Variants in TLX2 observed in about 807,000 individuals in gnomAD.
TLX2 encodes the protein T-cell leukemia homeobox protein 2.
TLX2 carries 15 observed loss-of-function variants against 21.7 expected under a neutral mutation model. The ratio of observed to expected loss-of-function variants is 0.69; its 90% confidence interval spans 0.46 to 1.07. TLX2 has a LOEUF of 1.07. Ranked by LOEUF, TLX2 falls within the 50% of genes least tolerant of loss-of-function variation. TLX2 has a pLI of 0.00. For synonymous variants in TLX2, 213 were observed against 193.1 expected (o/e 1.10, Z -0.85); for missense variants, 384 against 409.1 (o/e 0.94, Z 0.53).
At position 74,515,032 on chromosome 2, in the gene TLX2, G is replaced by T. The variant is rs1320198653; in HGVS notation, c.226G>T (p.Gly76Cys). 6.6e-7 allele frequency: 1 copy of T among 1,522,452 alleles called. No individual in the cohort carries two copies. The highest frequency in any genetic ancestry group is 2.6e-5 in the East Asian group (1 of 38,150). The allele number at this position is 1,522,452 out of a possible 1,614,324, so 94.3% of individuals were successfully genotyped here. A position where few individuals can be genotyped will look rare whatever the true frequency, so the allele number is the denominator to read the frequency against. Residue 76 changes from glycine (G) to cysteine (C), a missense_variant, in exon 1 of 3, where the codon GGC becomes TGC. Gly to Cys is a radical substitution (Grantham distance 159, BLOSUM62 -3). Coordinates refer to ENST00000233638, the MANE Select transcript of TLX2 (RefSeq NM_016170.5). The surrounding 1 kb of genome is among the most constrained non-coding windows in gnomAD (Gnocchi z 6.6). Reference sequence around the variant, plus strand: ...CCCGCTGCCCGGCAGCTCCGGAGTGGGCCCAGGCGGCGTGATCCGCGTCCC... The same window carrying T: ...CCCGCTGCCCGGCAGCTCCGGAGTGTGCCCAGGCGGCGTGATCCGCGTCCC... Reference protein sequence around the residue: ...LAPLPGSSGVGPGGVIRVPAH... With the variant: ...LAPLPGSSGVCPGGVIRVPAH...
Position 74,516,253 on chromosome 2 carries a change from G to A in TLX2, c.*64G>A. The A allele has an allele frequency of 6.4e-7, 1 of 1,561,446 alleles. No individual in the cohort carries two copies. The highest frequency in any genetic ancestry group is 8.6e-7 in the Non-Finnish European group (1 of 1,157,520). ...AGCGGTGGAGCGCGCGGCTGCCTGC[G>A]TCCATGGTCTAGTGGCAGCCGGGCG... On this transcript the variant is annotated 3_prime_UTR_variant, in exon 3 of 3. Coordinates refer to ENST00000233638, the MANE Select transcript of TLX2 (RefSeq NM_016170.5).
At position 74,515,555 on chromosome 2, in the gene TLX2, T is replaced by C; in HGVS notation, c.401-78T>C. 1 of 1,425,956 alleles carries C rather than the reference T, an allele frequency of 7.0e-7. No individual in the cohort carries two copies. Among genetic ancestry groups the C allele is most frequent in the Non-Finnish European group, 9.6e-7 (1 of 1,038,196 alleles). The allele number at this position is 1,425,956 out of a possible 1,614,324, so 88.3% of individuals were successfully genotyped here. A position where few individuals can be genotyped will look rare whatever the true frequency, so the allele number is the denominator to read the frequency against. On this transcript the variant is annotated intron_variant, in intron 1 of 2. Transcript: ENST00000233638. The surrounding 1 kb of genome is among the most constrained non-coding windows in gnomAD (Gnocchi z 6.6). ...GACAGGGCGCGGGAGTTCTGCGGCC[T>C]GGACAGCCGCGCGGCCTTCTCAGTG... is the stretch of plus-strand genomic sequence containing the variant.
chr2:74,515,719 T>A lies in TLX2; in HGVS notation c.487T>A (p.Ser163Thr). Residue 163 changes from serine (S) to threonine (T), a missense_variant, in exon 2 of 3, where the codon TCC (serine) becomes ACC (threonine). Ser to Thr is a moderately conservative substitution (Grantham distance 58). Coordinates refer to ENST00000233638, the MANE Select transcript of TLX2 (RefSeq NM_016170.5). This position sits in a 1 kb window ranked among gnomAD's most constrained non-coding sequence, Gnocchi z 6.6. ...TCCGAAGCGGAAGAAGCCGCGCACG[T>A]CCTTCTCCCGCTCACAGGTGCTGGA... Reference protein sequence around the residue: ...TPPKRKKPRTSFSRSQVLELE... With the variant: ...TPPKRKKPRTTFSRSQVLELE... 6.2e-7 allele frequency: 1 copy of A among 1,613,628 alleles called. No individual in the cohort carries two copies. The highest frequency in any genetic ancestry group is 8.5e-7 in the Non-Finnish European group (1 of 1,179,962).
In TLX2 at chr2:74,515,953, C is replaced by T; in HGVS notation, c.639-20C>T. 2.0e-6 allele frequency: 3 copies of T among 1,478,358 alleles called. No homozygotes were observed. Among genetic ancestry groups the T allele is most frequent in the Non-Finnish European group, 2.7e-6 (3 of 1,122,846 alleles). 91.6% of individuals were successfully genotyped at this position (1,478,358 alleles called of 1,614,324 possible). A position where few individuals can be genotyped will look rare whatever the true frequency, so the allele number is the denominator to read the frequency against. Reference sequence around the variant, plus strand: ...GCGACGCGGCGGGCGCCCCGCTGACCCCGCGTCTCCCTCCCTTAGGCGCCA... The same window carrying T: ...GCGACGCGGCGGGCGCCCCGCTGACTCCGCGTCTCCCTCCCTTAGGCGCCA... On this transcript the variant is annotated intron_variant, in intron 2 of 2. Transcript: ENST00000233638. This position sits in a 1 kb window ranked among gnomAD's most constrained non-coding sequence, Gnocchi z 6.6.
rs1012848047 is a variant in TLX2, at chr2:74,514,899, A to G, written c.93A>G (p.Pro31=). The change falls in exon 1 of 3, where the codon CCA becomes CCG. Residue 31 remains proline (P), a synonymous_variant. Transcript: ENST00000233638. This position sits in a 1 kb window ranked among gnomAD's most constrained non-coding sequence, Gnocchi z 5.0. ...AGATCCTGAGCGGCCCCGAAACCCCAGGGGGCGGTCTAGGCCTGGGTCGCG... is the reference window on the plus strand; with the variant it reads ...AGATCCTGAGCGGCCCCGAAACCCCGGGGGGCGGTCTAGGCCTGGGTCGCG... ...IDQILSGPET[P]GGGLGLGRGG... 7.4e-6 allele frequency: 12 copies of G among 1,611,806 alleles called. No homozygotes were observed. Among genetic ancestry groups the G allele is most frequent in the Admixed American group, 1.7e-5 (1 of 59,900 alleles).
chr2:74,516,112 T>C lies in TLX2; in HGVS notation c.778T>C (p.Phe260Leu). ...DPLCLHNSSLFALQNLQPWAE... is the reference protein window; with the variant it reads ...DPLCLHNSSLLALQNLQPWAE... The stretch of plus-strand genomic sequence containing the variant: ...TCTCTGCCTGCACAACTCGTCGCTC[T>C]TCGCGCTGCAGAACCTGCAGCCCTG... Residue 260 changes from phenylalanine (F) to leucine (L), a missense_variant, in exon 3 of 3, where the codon TTC (phenylalanine) becomes CTC (leucine). By Grantham distance (22) the Phe-to-Leu change is conservative. Transcript: ENST00000233638. 2 of 1,610,118 alleles carry C rather than the reference T, an allele frequency of 1.2e-6. No individual in the cohort carries two copies. The highest frequency in any genetic ancestry group is 1.7e-6 in the Non-Finnish European group (2 of 1,179,032).
At position 74,516,019 on chromosome 2, in the gene TLX2, C is replaced by G. The variant is rs1230194398; in HGVS notation, c.685C>G (p.Arg229Gly). The change falls in exon 3 of 3, where the codon CGG becomes GGG. Residue 229 changes from arginine to glycine, a missense_variant. By Grantham distance (125) the Arg-to-Gly change is moderately radical. Transcript: ENST00000233638. ...EREAERHRAGRLLLHLQQDAL... is the reference protein window; with the variant it reads ...EREAERHRAGGLLLHLQQDAL... ...CGAGGCCGAGCGGCACCGCGCGGGC[C>G]GGCTGCTCCTGCATCTGCAGCAGGA... 1 of 1,533,622 alleles carries G rather than the reference C, an allele frequency of 6.5e-7. No individual in the cohort carries two copies. Among genetic ancestry groups the G allele is most frequent in the Non-Finnish European group, 8.7e-7 (1 of 1,148,470 alleles).
rs1301295137 is a variant in TLX2 at position 74,516,119 on chromosome 2, T to C, written c.785T>C (p.Leu262Pro). The C allele has an allele frequency of 6.2e-7, 1 of 1,610,494 alleles. No individual in the cohort carries two copies. The highest frequency in any genetic ancestry group is 1.3e-5 in the African/African-American group (1 of 74,658). The change falls in exon 3 of 3, where the codon CTG becomes CCG. Residue 262 changes from leucine (L) to proline (P), a missense_variant. Leu to Pro is a moderately conservative substitution (Grantham distance 98). Coordinates refer to ENST00000233638, the MANE Select transcript of TLX2 (RefSeq NM_016170.5). ...CTGCACAACTCGTCGCTCTTCGCGC[T>C]GCAGAACCTGCAGCCCTGGGCCGAG... Reference protein sequence around the residue: ...LCLHNSSLFALQNLQPWAEDN... With the variant: ...LCLHNSSLFAPQNLQPWAEDN...
rs969426404 is a variant in TLX2 at position 74,515,981 on chromosome 2, C to T, written c.647C>T (p.Thr216Met). 1 of 1,465,850 alleles carries T rather than the reference C, an allele frequency of 6.8e-7. No homozygotes were observed. The highest frequency in any genetic ancestry group is 8.9e-7 in the Non-Finnish European group (1 of 1,119,196). 90.8% of individuals were successfully genotyped at this position (1,465,850 alleles called of 1,614,324 possible). Residue 216 changes from threonine to methionine, a missense_variant, in exon 3 of 3, where the codon ACG becomes ATG. Physicochemically the swap from Thr to Met is moderately conservative, Grantham distance 81 (BLOSUM62 -1). Transcript: ENST00000233638. This position sits in a 1 kb window ranked among gnomAD's most constrained non-coding sequence, Gnocchi z 6.6. ...GCGTCTCCCTCCCTTAGGCGCCAGA[C>T]GGCGGAGGAGCGCGAGGCCGAGCGG... ...QNRRTKWRRQ[T>M]AEEREAERHR...
chr2:74,515,792 G>A lies in TLX2; in HGVS notation c.560G>A (p.Arg187Lys), dbSNP rs775250438. The A allele has an allele frequency of 1.9e-6, 3 of 1,613,074 alleles. No individual in the cohort carries two copies. In the Admixed American group the frequency reaches 5.0e-5, roughly 27 times the overall value. ...CAGAAGTACCTGGCCTCTGCGGAGA[G>A]GGCGGCGCTGGCCAAGGCCTTGCGC... ...LRQKYLASAE[R>K]AALAKALRMT... is the part of the protein sequence containing the mutation. Residue 187 changes from arginine to lysine, a missense_variant, in exon 2 of 3, where the codon AGG becomes AAG. Arg to Lys is a conservative substitution (Grantham distance 26, BLOSUM62 2). Transcript: ENST00000233638. The surrounding 1 kb of genome is among the most constrained non-coding windows in gnomAD (Gnocchi z 6.6).
chr2:74,514,884 C>A lies in TLX2; in HGVS notation c.78C>A (p.Ser26Arg). The change falls in exon 1 of 3, where the codon AGC becomes AGA. Residue 26 changes from serine (S) to arginine (R), a missense_variant. By Grantham distance (110) the Ser-to-Arg change is moderately radical (BLOSUM62 -1). Transcript: ENST00000233638. This position sits in a 1 kb window ranked among gnomAD's most constrained non-coding sequence, Gnocchi z 5.0. ...GCTTCGGCATCGATCAGATCCTGAGCGGCCCCGAAACCCCAGGGGGCGGTC... is the reference window on the plus strand; with the variant it reads ...GCTTCGGCATCGATCAGATCCTGAGAGGCCCCGAAACCCCAGGGGGCGGTC... ...PISFGIDQIL[S>R]GPETPGGGLG... The A allele has an allele frequency of 6.2e-7, 1 of 1,612,460 alleles. No individual in the cohort carries two copies. Among genetic ancestry groups the A allele is most frequent in the South Asian group, 1.1e-5 (1 of 90,996 alleles).
Position 74,515,652 on chromosome 2 carries a change from T to C in TLX2, c.420T>C (p.Ser140=), listed in dbSNP as rs774943192. 1.9e-6 allele frequency: 3 copies of C among 1,612,142 alleles called. No homozygotes were observed. The highest frequency in any genetic ancestry group is 2.5e-6 in the Non-Finnish European group (3 of 1,178,738). The change falls in exon 2 of 3, where the codon TCT becomes TCC. Residue 140 remains serine, a synonymous_variant. Coordinates refer to ENST00000233638, the MANE Select transcript of TLX2 (RefSeq NM_016170.5). The surrounding 1 kb of genome is among the most constrained non-coding windows in gnomAD (Gnocchi z 6.6). ...DRLTAALSPF[S]GTRRIGHPYQ... ...CGGTAGCTGCGCTCTCGCCCTTCTC[T>C]GGGACGCGCCGCATAGGCCACCCCT...
rs757961853 is a variant in TLX2, at chr2:74,514,799, C to G, written c.-8C>G. The G allele has an allele frequency of 7.4e-6, 12 of 1,612,500 alleles. No homozygotes were observed. The East Asian group carries it at 2.7e-4, about 36-fold the overall frequency. On this transcript the variant is annotated 5_prime_UTR_variant, in exon 1 of 3. Transcript: ENST00000233638. The surrounding 1 kb of genome is among the most constrained non-coding windows in gnomAD (Gnocchi z 5.0). ...CGAACCTCCGGCGGTTCTCCTCGGCCCAGACCGATGGAGCCGGGGATGCTG... is the reference window on the plus strand; with the variant it reads ...CGAACCTCCGGCGGTTCTCCTCGGCGCAGACCGATGGAGCCGGGGATGCTG...
chr2:74,516,428 C>A lies in TLX2; in HGVS notation c.*239C>A, dbSNP rs567517310. 1,743 of 1,400,658 alleles carry A rather than the reference C, an allele frequency of 1.2e-3. 3 individuals are homozygous for A. Among genetic ancestry groups the A allele is most frequent in the Non-Finnish European group, 1.5e-3 (1,643 of 1,074,432 alleles). The allele number at this position is 1,400,658 out of a possible 1,614,324, so 86.8% of individuals were successfully genotyped here. A position where few individuals can be genotyped will look rare whatever the true frequency, so the allele number is the denominator to read the frequency against. Reference sequence around the variant, plus strand: ...ACTGCCGTTACGCCCTCGCTGGAACCTGAGGCGCCGAGAGGGCGGGACCTG... The same window carrying A: ...ACTGCCGTTACGCCCTCGCTGGAACATGAGGCGCCGAGAGGGCGGGACCTG... On this transcript the variant is annotated 3_prime_UTR_variant, in exon 3 of 3. Transcript: ENST00000233638.
chr2:74,515,868 G>A lies in TLX2; in HGVS notation c.636G>A (p.Trp212Ter). The A allele has an allele frequency of 1.9e-6, 3 of 1,603,652 alleles. No homozygotes were observed. Among genetic ancestry groups the A allele is most frequent in the Non-Finnish European group, 2.6e-6 (3 of 1,173,810 alleles). The change falls in exon 2 of 3, where the codon TGG becomes TGA. Residue 212 changes from tryptophan to a stop codon, truncating the protein, a stop_gained and splice_region_variant. Coordinates refer to ENST00000233638, the MANE Select transcript of TLX2 (RefSeq NM_016170.5). LOFTEE classifies it high-confidence loss of function. The surrounding 1 kb of genome is among the most constrained non-coding windows in gnomAD (Gnocchi z 6.6). ...KTWFQNRRTK[W>*]RRQTAEEREA... ...GGTTCCAGAACCGACGCACCAAGTGGCGGTGAGGCGCGGCGCGGGCGAGGG... is the reference window on the plus strand; with the variant it reads ...GGTTCCAGAACCGACGCACCAAGTGACGGTGAGGCGCGGCGCGGGCGAGGG...
rs1316886362 is a variant in TLX2 at position 74,516,629 on chromosome 2, A to C, written c.*440A>C. ...ACCAAAGGTGTGAAGGAAAGAAGAC[A>C]CCGACCACGGCGAAGCAATAGAGGG... On this transcript the variant is annotated 3_prime_UTR_variant, in exon 3 of 3. Transcript: ENST00000233638. The C allele has an allele frequency of 2.6e-6, 2 of 761,622 alleles. No individual in the cohort carries two copies. The highest frequency in any genetic ancestry group is 5.6e-5 in the South Asian group (2 of 35,944). The allele number at this position is 761,622 out of a possible 1,614,324, so 47.2% of individuals were successfully genotyped here.
Position 74,514,619 on chromosome 2 carries a change from T to C in TLX2, c.-188T>C, listed in dbSNP as rs36079538. 1.3e-5 allele frequency: 18 copies of C among 1,416,992 alleles called. No individual in the cohort carries two copies. The highest frequency in any genetic ancestry group is 1.6e-5 in the Non-Finnish European group (18 of 1,092,700). The allele number at this position is 1,416,992 out of a possible 1,614,324, so 87.8% of individuals were successfully genotyped here. A position where few individuals can be genotyped will look rare whatever the true frequency, so the allele number is the denominator to read the frequency against. On this transcript the variant is annotated 5_prime_UTR_variant, in exon 1 of 3. Transcript: ENST00000233638. The surrounding 1 kb of genome is among the most constrained non-coding windows in gnomAD (Gnocchi z 5.0). ...CCCTGCGCTGACGCCCGGCAGCGGC[T>C]GGCACGGGCGCGGCTGCTCCGGGTG... is the stretch of plus-strand genomic sequence containing the variant.
chr2:74,514,488 C>A lies in TLX2; in HGVS notation c.-319C>A. The A allele has an allele frequency of 7.8e-7, 1 of 1,274,834 alleles. No homozygotes were observed. Among genetic ancestry groups the A allele is most frequent in the Non-Finnish European group, 1.0e-6 (1 of 1,003,858 alleles). 79.0% of individuals were successfully genotyped at this position (1,274,834 alleles called of 1,614,324 possible). On this transcript the variant is annotated 5_prime_UTR_variant, in exon 1 of 3. Transcript: ENST00000233638. This position sits in a 1 kb window ranked among gnomAD's most constrained non-coding sequence, Gnocchi z 5.0. ...GCCGGAGCTGGCCAACCCTCTCCAC[C>A]CGGGACTTGGGCAGCGGCGCCGGCA...
chr2:74,514,560 G>T lies in TLX2; in HGVS notation c.-247G>T. On this transcript the variant is annotated 5_prime_UTR_variant, in exon 1 of 3. Coordinates refer to ENST00000233638, the MANE Select transcript of TLX2 (RefSeq NM_016170.5). This position sits in a 1 kb window ranked among gnomAD's most constrained non-coding sequence, Gnocchi z 5.0. ...AAGAGCCAGCAAGGAAGCTCCAGGG[G>T]CCCCAGCTGGCCGTGCTCCCCCGGG... 7.2e-7 allele frequency: 1 copy of T among 1,392,900 alleles called. No homozygotes were observed. The highest frequency in any genetic ancestry group is 9.3e-7 in the Non-Finnish European group (1 of 1,079,538). 86.3% of individuals were successfully genotyped at this position (1,392,900 alleles called of 1,614,324 possible).
Sources: gnomAD v4.1 joint callset for allele counts on GRCh38, gnomAD v4.1.1 for gene constraint, Gnocchi (gnomAD v3.1) non-coding constraint, MANE v1.5 for transcripts, NCBI Gene and HGNC (gene_info 2026-07-23, HGNC 2026-07-21) for gene names.